The following WWOX variants were observed in gnomAD, a reference collection of about 807,000 sequenced individuals.
WWOX encodes WW domain-containing oxidoreductase.
Under a neutral mutation model 46.2 loss-of-function variants are expected in WWOX, and 69 were observed. That is an observed-to-expected ratio of 1.49 (90% CI 1.23 to 1.82). The LOEUF is 1.82. Among genes scored for constraint, WWOX ranks in the 40% most tolerant of loss-of-function variants. The pLI, the probability that WWOX is intolerant of heterozygous loss-of-function variation, is 0.00. For missense variants in WWOX, 919 were observed against 542.6 expected (o/e 1.69, Z -6.89); for synonymous variants, 359 against 202.6 (o/e 1.77, Z -6.56).
At chr16:78,854,923 T>TA (rs1431215146) in intron 8 of WWOX, among the ~76,000 whole-genome samples, 1 of 140,596 alleles carries the variant, frequency 7.1e-6, no homozygotes, top group African/African-American at 2.6e-5. Flanking sequence ...TTTTTTTTTT[T>TA]AACAAAACTT....
At chr16:78,457,101 G>T (rs566011366) in intron 8 of WWOX, among the ~76,000 whole-genome samples, 1 of 152,304 alleles carries the variant, frequency 6.6e-6, no homozygotes, top group South Asian at 2.1e-4. Context: ...AAGGGAATTG[G>T]CAGTGTTCAG....
At chr16:78,119,986 G>C (rs1412099941) in intron 4 of WWOX, among the ~76,000 whole-genome samples, 1 of 152,084 alleles carries the variant, frequency 6.6e-6, no homozygotes, top group Non-Finnish European at 1.5e-5. Flanking sequence ...GAATAGCCTA[G>C]CTTCGTTACA....
At chr16:78,120,227 T>C (rs1333163934) in intron 4 of WWOX, among the ~76,000 whole-genome samples, 1 of 152,172 alleles carries the variant, frequency 6.6e-6, no homozygotes, top group East Asian at 1.9e-4. Flanking sequence ...AAGTACGTGC[T>C]CAAGGTATTG....
chr16:78,251,683 A>G (rs191817706), intron 5 of WWOX, among the ~76,000 whole-genome samples: 155 of 152,326 alleles, frequency 1.0e-3, no homozygotes, highest in Non-Finnish European at 1.5e-3. Flanking sequence ...TTGGGAACAC[A>G]TGGTGTCCTT....
At chr16:79,141,449 T>C (rs1448507217) in intron 8 of WWOX, among the ~76,000 whole-genome samples, 1 of 152,224 alleles carries the variant, frequency 6.6e-6, no homozygotes, top group Non-Finnish European at 1.5e-5. Context: ...CTAAATTAGC[T>C]GAGACCTGGC....
intron 8 of WWOX, among the ~76,000 whole-genome samples, chr16:78,538,332 G>A (rs1306553078): frequency 6.6e-6 from 1 of 151,336 alleles, no homozygotes; most frequent in South Asian, 2.1e-4. Context: ...CAATATCTAG[G>A]CACGGCTGCC....
intron 5 of WWOX, among the ~76,000 whole-genome samples, chr16:78,217,269 A>G (rs1473615326): frequency 6.6e-6 from 1 of 152,212 alleles, no homozygotes; most frequent in East Asian, 1.9e-4. Context: ...CTTGCAGGAT[A>G]TGTGGAGTTA....
chr16:79,172,492 G>T (rs1567597052), intron 8 of WWOX, among the ~76,000 whole-genome samples: 1 of 152,092 alleles, frequency 6.6e-6, no homozygotes, highest in Non-Finnish European at 1.5e-5. Context: ...GTCTGGCTCA[G>T]AGTAGGCCCT....
chr16:78,170,147 G>T (rs1037366121), intron 5 of WWOX, among the ~76,000 whole-genome samples: 10 of 152,110 alleles, frequency 6.6e-5, no homozygotes, highest in African/African-American at 2.2e-4. Flanking sequence ...AATGTCTCCA[G>T]GCATTGCCAG....
At chr16:79,021,374 G>A (rs1274156267) in intron 8 of WWOX, among the ~76,000 whole-genome samples, 2 of 152,040 alleles carry the variant, frequency 1.3e-5, no homozygotes, top group Admixed American at 6.6e-5. Flanking sequence ...TTTGTGTCAC[G>A]GACCCCTTGG....
chr16:78,606,369 G>C (rs547476326), intron 8 of WWOX, among the ~76,000 whole-genome samples: 185 of 152,054 alleles, frequency 1.2e-3, no homozygotes, highest in African/African-American at 3.9e-3. Context: ...AAGTACAAAG[G>C]AAACGGTTAC....
At chr16:78,807,990 TTCCATGTTCAC>T (rs2051086974) in intron 8 of WWOX, among the ~76,000 whole-genome samples, 1 of 152,190 alleles carries the variant, frequency 6.6e-6, no homozygotes, top group Non-Finnish European at 1.5e-5. Flanking sequence ...CTTTTTCTTT[TTCCATGTTCAC>T]TCCAGAATTA....
At chr16:78,771,906 A>G (rs755823024) in intron 8 of WWOX, among the ~76,000 whole-genome samples, 4 of 152,228 alleles carry the variant, frequency 2.6e-5, no homozygotes, top group East Asian at 3.8e-4. Flanking sequence ...TGTTACATAC[A>G]TTGTACTACA....
chr16:78,157,500 A>G (rs2034646537), intron 4 of WWOX, among the ~76,000 whole-genome samples: 2 of 152,178 alleles, frequency 1.3e-5, no homozygotes, highest in African/African-American at 4.8e-5. Context: ...ACCTTTTACT[A>G]CCCACACACC....
chr16:78,665,726 C>A (rs2047314839), intron 8 of WWOX, among the ~76,000 whole-genome samples: 1 of 152,090 alleles, frequency 6.6e-6, no homozygotes, highest in African/African-American at 2.4e-5. Context: ...GCTCTGTCGC[C>A]CAGGCTGTAG....
At chr16:78,388,457 C>G (rs9937914) in intron 6 of WWOX, among the ~76,000 whole-genome samples, 5,486 of 151,326 alleles carry the variant, frequency 0.036, 200 homozygotes, top group African/African-American at 0.089. Flanking sequence ...ACCATCCTGG[C>G]CAACATTGTG....
intron 8 of WWOX, among the ~76,000 whole-genome samples, chr16:78,879,881 A>AG (rs1244462807): frequency 6.6e-6 from 1 of 151,684 alleles, no homozygotes; most frequent in Admixed American, 6.6e-5. Flanking sequence ...CTGTCTCAAA[A>AG]AAAAAAAAGA....
intron 8 of WWOX, among the ~76,000 whole-genome samples, chr16:78,575,633 C>A (rs544638903): frequency 6.6e-6 from 1 of 152,090 alleles, no homozygotes; most frequent in Non-Finnish European, 1.5e-5. Context: ...CTACTGTGTG[C>A]CATTAGAGAC....
chr16:78,555,892 G>T (rs968510781), intron 8 of WWOX, among the ~76,000 whole-genome samples: 1 of 152,132 alleles, frequency 6.6e-6, no homozygotes, highest in South Asian at 2.1e-4. Flanking sequence ...TGATGTCTCC[G>T]ATTCTTAAAA....
Sources: gnomAD v4.1 joint callset for allele counts (sites outside exome capture counted in the v4.1 genomes callset) on GRCh38, gnomAD v4.1.1 for gene constraint, MANE v1.5 for transcripts, NCBI Gene and HGNC (gene_info 2026-07-23, HGNC 2026-07-21) for gene names.